The following KDM4C variants were observed in gnomAD, a reference collection of about 807,000 sequenced individuals.
KDM4C encodes lysine-specific demethylase 4C.
A neutral mutation model predicts 129.3 loss-of-function variants in KDM4C; 81 were observed. The observed-to-expected ratio is 0.63, with a 90% CI of 0.52 to 0.75. The LOEUF is 0.75. Among genes scored for constraint, KDM4C ranks in the 30% least tolerant of loss-of-function variants. KDM4C has a pLI of 0.00. For synonymous variants in KDM4C, 573 were observed against 456.1 expected (o/e 1.26, Z -3.26); for missense variants, 1,457 against 1,304.0 (o/e 1.12, Z -1.81).
At position 6,986,357 on chromosome 9, in the gene KDM4C, A is replaced by C. The variant is rs1270029457; in HGVS notation, c.1368A>C (p.Leu456Phe). The change falls in exon 11 of 22, where the codon TTA becomes TTC. Residue 456 changes from leucine to phenylalanine, a missense_variant. Leu to Phe is a conservative substitution (Grantham distance 22). Coordinates refer to ENST00000381309, the MANE Select transcript of KDM4C (RefSeq NM_015061.6). ...TTTTATCCTCAGGAAACAGCTGCTT[A>C]AGTACATCTGTAACAGAAGACATAA... Reference protein sequence around the residue: ...DHIKLSGNSCLSTSVTEDIKT... With the variant: ...DHIKLSGNSCFSTSVTEDIKT... The C allele has an allele frequency of 6.2e-7, 1 of 1,608,212 alleles. No homozygotes were observed. The highest frequency in any genetic ancestry group is 1.7e-5 in the Admixed American group (1 of 59,868).
At chr9:7,135,673 G>A (rs1280965501) in intron 19 of KDM4C, among the ~76,000 whole-genome samples, 14 of 152,198 alleles carry the variant, frequency 9.2e-5, no homozygotes, top group Non-Finnish European at 1.5e-5. Flanking sequence ...TAGGAGGAGT[G>A]ACATGGATGT....
At chr9:6,725,942 T>C (rs1817112304) in intron 1 of KDM4C, among the ~76,000 whole-genome samples, 1 of 149,072 alleles carries the variant, frequency 6.7e-6, no homozygotes, top group East Asian at 2.0e-4. Flanking sequence ...TTTTTTTTTT[T>C]TTGAGACAGA....
Position 7,174,692 on chromosome 9 carries a change from A to G in KDM4C, c.3134A>G (p.Lys1045Arg). Residue 1045 changes from lysine (K) to arginine (R), a missense_variant, in exon 22 of 22, where the codon AAG becomes AGG. Coordinates refer to ENST00000381309, the MANE Select transcript of KDM4C (RefSeq NM_015061.6). ...VADPVYRTFL[K>R]SSFQKKCQKR... ...GACCCTGTATACCGCACTTTTTTGAAGAGCTCTTTCCAGAAGAAGTGCCAG... is the reference window on the plus strand; with the variant it reads ...GACCCTGTATACCGCACTTTTTTGAGGAGCTCTTTCCAGAAGAAGTGCCAG... The G allele has an allele frequency of 6.2e-7, 1 of 1,614,158 alleles. No homozygotes were observed. The highest frequency in any genetic ancestry group is 1.1e-5 in the South Asian group (1 of 91,076).
At chr9:6,760,445 G>GTATATATATATATATATATATA (rs60954996) in intron 1 of KDM4C, among the ~76,000 whole-genome samples, 38 of 142,530 alleles carry the variant, frequency 2.7e-4, no homozygotes, top group African/African-American at 5.5e-4. Context: ...CTACTCTTGG[G>GTATATATATATATATATATATA]TATATATATA....
In KDM4C at chr9:6,881,997, C is replaced by T. The variant is rs117806709; in HGVS notation, c.679+1936C>T. Among the ~76,000 whole-genome samples the T allele has an allele frequency of 2.4e-4, 37 of 152,326 alleles. No individual in the cohort carries two copies. The East Asian group carries it at 6.7e-3, about 28-fold the overall frequency. On this transcript the variant is annotated intron_variant, in intron 6 of 21. Coordinates refer to ENST00000381309, the MANE Select transcript of KDM4C (RefSeq NM_015061.6). ...TTGTCTGCGCATCATAATTATCACA[C>T]TTGCCTTTTATGCATGAATGCTTTC...
intron 8 of KDM4C, among the ~76,000 whole-genome samples, chr9:6,980,084 A>T (rs1249151392): frequency 6.6e-6 from 1 of 152,312 alleles, no homozygotes; most frequent in Middle Eastern, 3.4e-3. Flanking sequence ...CTGTTCAGTC[A>T]GTCTGTTACC....
intron 8 of KDM4C, among the ~76,000 whole-genome samples, chr9:6,963,883 T>G (rs1264681119): frequency 6.6e-6 from 1 of 152,216 alleles, no homozygotes; most frequent in Non-Finnish European, 1.5e-5. Flanking sequence ...TGTTTCTTGC[T>G]ATCACTTTTT....
chr9:7,082,123 CAA>C (rs1834592264), intron 17 of KDM4C, among the ~76,000 whole-genome samples: 2 of 152,064 alleles, frequency 1.3e-5, no homozygotes, highest in Non-Finnish European at 2.9e-5. Context: ...GCCTCCAGGA[CAA>C]AGACTCTGAC....
chr9:6,779,084 A>G (rs772413203), intron 1 of KDM4C, among the ~76,000 whole-genome samples: 10 of 141,108 alleles, frequency 7.1e-5, no homozygotes, highest in Non-Finnish European at 1.2e-4. Flanking sequence ...GCTGGAGTGC[A>G]GTGGCGTGAT....
intron 5 of KDM4C, among the ~76,000 whole-genome samples, chr9:6,876,991 C>T (rs1246981025): frequency 6.6e-6 from 1 of 152,170 alleles, no homozygotes; most frequent in East Asian, 1.9e-4. Context: ...TTAGAAATCA[C>T]CCCATTCTTT....
At chr9:6,796,879 G>T (rs1381693811) in intron 2 of KDM4C, among the ~76,000 whole-genome samples, 2 of 152,110 alleles carry the variant, frequency 1.3e-5, no homozygotes, top group African/African-American at 4.8e-5. Flanking sequence ...GTATAAAACT[G>T]TACCGAATCA....
intron 19 of KDM4C, among the ~76,000 whole-genome samples, chr9:7,164,879 A>G (rs1188139566): frequency 6.6e-6 from 1 of 152,182 alleles, no homozygotes; most frequent in African/African-American, 2.4e-5. Flanking sequence ...GTTAACTGCA[A>G]AATGCTATAT....
chr9:7,103,709 G>C lies in KDM4C; in HGVS notation c.2449G>C (p.Val817Leu). ...GAAATGCATCTTCTGCAGACACCGG[G>C]TTAAGAGGGTCTCTGGAGCCTGCAT... ...KLKCIFCRHR[V>L]KRVSGACIQC... The change falls in exon 18 of 22, where the codon GTT (valine) becomes CTT (leucine). Residue 817 changes from valine to leucine, a missense_variant. By Grantham distance (32) the Val-to-Leu change is conservative. Transcript: ENST00000381309. 1 of 1,613,860 alleles carries C rather than the reference G, an allele frequency of 6.2e-7. No homozygotes were observed. Among genetic ancestry groups the C allele is most frequent in the Non-Finnish European group, 8.5e-7 (1 of 1,179,886 alleles).
At chr9:6,986,752 C>T in intron 11 of KDM4C, 86 bp downstream of exon 11, 1 of 895,312 alleles carries the variant, frequency 1.1e-6, no homozygotes, top group East Asian at 2.7e-5. Flanking sequence ...TGAAATCCTC[C>T]TTTAGGGCAC....
At chr9:6,781,694 A>G (rs971149519) in intron 1 of KDM4C, among the ~76,000 whole-genome samples, 1 of 152,182 alleles carries the variant, frequency 6.6e-6, no homozygotes, top group Non-Finnish European at 1.5e-5. Flanking sequence ...CTGAAACAAG[A>G]AAGCCTTTGT....
intron 5 of KDM4C, among the ~76,000 whole-genome samples, chr9:6,877,270 A>G (rs948222532): frequency 2.0e-5 from 3 of 152,130 alleles, no homozygotes; most frequent in Non-Finnish European, 2.9e-5. Context: ...GCGCCATCTC[A>G]GCTCACTGCA....
intron 5 of KDM4C, among the ~76,000 whole-genome samples, chr9:6,870,899 A>G (rs1188814149): frequency 6.6e-6 from 1 of 152,106 alleles, no homozygotes; most frequent in African/African-American, 2.4e-5. Flanking sequence ...CCTGGAAGGA[A>G]TTCTCCCCTC....
At chr9:6,966,030 G>C (rs1233362580) in intron 8 of KDM4C, among the ~76,000 whole-genome samples, 1 of 152,178 alleles carries the variant, frequency 6.6e-6, no homozygotes, top group Non-Finnish European at 1.5e-5. Flanking sequence ...TAAATGCAGA[G>C]AAAGCAGCAT....
At chr9:7,136,238 G>A (rs535184193) in intron 19 of KDM4C, among the ~76,000 whole-genome samples, 1 of 152,280 alleles carries the variant, frequency 6.6e-6, no homozygotes, top group South Asian at 2.1e-4. Context: ...CCAGTTGATG[G>A]ACATTTGGAT....
Sources: gnomAD v4.1 joint callset for allele counts (sites outside exome capture counted in the v4.1 genomes callset) on GRCh38, gnomAD v4.1.1 for gene constraint, MANE v1.5 for transcripts, NCBI Gene and HGNC (gene_info 2026-07-23, HGNC 2026-07-21) for gene names.